The following FANCF variants were observed in gnomAD, a reference collection of about 807,000 sequenced individuals.
The protein encoded by FANCF is Fanconi anemia group F protein.
For missense variants in FANCF, 552 were observed against 481.8 expected, an observed-to-expected ratio of 1.15 and a Z score of -1.36; for synonymous variants, 257 against 205.9, an observed-to-expected ratio of 1.25 and a Z score of -2.13.
At position 22,624,991 on chromosome 11, in the gene FANCF, AG is replaced by A; in HGVS notation, c.819del (p.Tyr274IlefsTer5). On this transcript the variant is annotated frameshift_variant, in exon 1 of 1. Transcript: ENST00000327470. LOFTEE classifies it low-confidence loss of function (END_TRUNC). ...CCCCAGTCTGTTAGCAGACCCAGAT[AG>A]ACAGGAGACAGCGCTGGGTGGCGGC... ...VTSRHPALSP[V>X]YLGLLTDWGQ... 1 of 1,614,244 alleles carries A rather than the reference AG, an allele frequency of 6.2e-7. No homozygotes were observed. The highest frequency in any genetic ancestry group is 2.2e-5 in the East Asian group (1 of 44,886).
rs755870012 is a variant in FANCF, at chr11:22,625,422, T to A, written c.389A>T (p.Gln130Leu). 1.9e-6 allele frequency: 3 copies of A among 1,614,096 alleles called. No individual in the cohort carries two copies. Among genetic ancestry groups the A allele is most frequent in the South Asian group, 2.2e-5 (2 of 91,076 alleles). ...GVRDADEETL[Q>L]ESLARLARRR... ...GCGGGCAAGGCGGGCCAGGCTCTCTTGGAGTGTCTCCTCATCGGCGTCCCG... is the reference window on the plus strand; with the variant it reads ...GCGGGCAAGGCGGGCCAGGCTCTCTAGGAGTGTCTCCTCATCGGCGTCCCG... The change falls in exon 1 of 1, where the codon CAA (glutamine) becomes CTA (leucine). Residue 130 changes from glutamine to leucine, a missense_variant. By Grantham distance (113) the Gln-to-Leu change is moderately radical. Coordinates refer to ENST00000327470, the MANE Select transcript of FANCF (RefSeq NM_022725.4).
rs770063791 is a variant in FANCF, at chr11:22,624,655, A to G, written c.*31T>C. 4 of 1,593,148 alleles carry G rather than the reference A, an allele frequency of 2.5e-6. No homozygotes were observed. In the East Asian group the frequency reaches 6.7e-5, roughly 27 times the overall value. On this transcript the variant is annotated 3_prime_UTR_variant, in exon 1 of 1. Coordinates refer to ENST00000327470, the MANE Select transcript of FANCF (RefSeq NM_022725.4). The stretch of plus-strand genomic sequence containing the variant: ...GTAATTTTCATTTTGTAAACTATAT[A>G]TTCTATATTCAAGTAATAACACAGC...
In FANCF at chr11:22,623,733, G is replaced by A. The variant is rs1468966128; in HGVS notation, c.*953C>T. The A allele has an allele frequency of 1.1e-5, 2 of 181,964 alleles. No individual in the cohort carries two copies. The highest frequency in any genetic ancestry group is 2.3e-5 in the Non-Finnish European group (2 of 85,286). The allele number at this position is 181,964 out of a possible 1,614,324, so 11.3% of individuals were successfully genotyped here. On this transcript the variant is annotated 3_prime_UTR_variant, in exon 1 of 1. Coordinates refer to ENST00000327470, the MANE Select transcript of FANCF (RefSeq NM_022725.4). ...GTTTTGGCCAGGCGCGGTGGCTCAC[G>A]CCTGTAATCCCAGCACTTTGGGAGG...
Position 22,624,877 on chromosome 11 carries a change from G to A in FANCF, c.934C>T (p.Gln312Ter). 1 of 1,614,138 alleles carries A rather than the reference G, an allele frequency of 6.2e-7. No individual in the cohort carries two copies. The highest frequency in any genetic ancestry group is 8.5e-7 in the Non-Finnish European group (1 of 1,180,018). ...GGTGGAGGGGCCTGACAGAGGCTTT[G>A]AAACCTATTGTGCAACTCCTCCCAG... ...VPWEELHNRF[Q>*]SLCQAPPPLK... Residue 312 changes from glutamine (Q) to a stop codon, truncating the protein, a stop_gained, in exon 1 of 1, where the codon CAA (glutamine) becomes TAA (stop). Transcript: ENST00000327470. LOFTEE classifies it low-confidence loss of function (END_TRUNC).
Position 22,624,997 on chromosome 11 carries a change from G to C in FANCF, c.814C>G (p.Pro272Ala), listed in dbSNP as rs763682296. 1.9e-6 allele frequency: 3 copies of C among 1,614,218 alleles called. No individual in the cohort carries two copies. The highest frequency in any genetic ancestry group is 2.7e-5 in the African/African-American group (2 of 75,046). The change falls in exon 1 of 1, where the codon CCT (proline) becomes GCT (alanine). Residue 272 changes from proline to alanine, a missense_variant. By Grantham distance (27) the Pro-to-Ala change is conservative. Transcript: ENST00000327470. ...LVTSRHPALS[P>A]VYLGLLTDWG... ...TCTGTTAGCAGACCCAGATAGACAG[G>C]AGACAGCGCTGGGTGGCGGCTAGTC... is the stretch of plus-strand genomic sequence containing the variant.
Position 22,623,450 on chromosome 11 carries a change from C to T in FANCF, c.*1236G>A, listed in dbSNP as rs1376471682. The stretch of plus-strand genomic sequence containing the variant: ...CTCCCTAGTAAAAATGAATAAATTG[C>T]CCTTGAATTTATTCAAGGCAATCAC... On this transcript the variant is annotated 3_prime_UTR_variant, in exon 1 of 1. Coordinates refer to ENST00000327470, the MANE Select transcript of FANCF (RefSeq NM_022725.4). The T allele has an allele frequency of 9.9e-6, 2 of 202,102 alleles. No homozygotes were observed. Among genetic ancestry groups the T allele is most frequent in the East Asian group, 7.6e-5 (1 of 13,154 alleles). 12.5% of individuals were successfully genotyped at this position (202,102 alleles called of 1,614,324 possible).
rs1858622655 is a variant in FANCF, at chr11:22,625,121, A to T, written c.690T>A (p.Pro230=). 6.2e-7 allele frequency: 1 copy of T among 1,609,188 alleles called. No homozygotes were observed. Among genetic ancestry groups the T allele is most frequent in the Non-Finnish European group, 8.5e-7 (1 of 1,177,002 alleles). The change falls in exon 1 of 1, where the codon CCT becomes CCA. Residue 230 remains proline (P), a synonymous_variant. Transcript: ENST00000327470. The stretch of plus-strand genomic sequence containing the variant: ...GGACTAGCACTTGGCTCCCCTCTCC[A>T]GGTGATTTGTGGATGCCGGGTTCCA... The part of the protein sequence containing the change: ...EELEPGIHKS[P]GEGSQVLVHW...
chr11:22,625,169 C>CA lies in FANCF; in HGVS notation c.641dup (p.Leu214PhefsTer52). On this transcript the variant is annotated frameshift_variant, in exon 1 of 1. Coordinates refer to ENST00000327470, the MANE Select transcript of FANCF (RefSeq NM_022725.4). LOFTEE classifies it low-confidence loss of function (END_TRUNC). Reference sequence around the variant, plus strand: ...CCAACTCTTCTTGGGGCCGACGAGACAAAGGCGGCTGCAACAGCGCCACCG... The same window carrying CA: ...CCAACTCTTCTTGGGGCCGACGAGACAAAAGGCGGCTGCAACAGCGCCACCG... 1 of 1,609,316 alleles carries CA rather than the reference C, an allele frequency of 6.2e-7. No individual in the cohort carries two copies.
chr11:22,625,004 C>T lies in FANCF; in HGVS notation c.807G>A (p.Ala269=), dbSNP rs754312601. The change falls in exon 1 of 1, where the codon GCG becomes GCA. Residue 269 remains alanine, a synonymous_variant. Transcript: ENST00000327470. ...GCAGACCCAGATAGACAGGAGACAG[C>T]GCTGGGTGGCGGCTAGTCACTAAAG... is the stretch of plus-strand genomic sequence containing the variant. ...LLTLVTSRHP[A]LSPVYLGLLT... is the part of the protein sequence containing the mutation. The T allele has an allele frequency of 1.8e-5, 29 of 1,614,074 alleles. No homozygotes were observed. Among genetic ancestry groups the T allele is most frequent in the Non-Finnish European group, 2.4e-5 (28 of 1,180,046 alleles).
At position 22,624,808 on chromosome 11, in the gene FANCF, G is replaced by A; in HGVS notation, c.1003C>T (p.Gln335Ter). ...CCAGGTACTTCAAAATCTCCATCCTGCGCTTTACAGGTCTCCAGGGCAGTT... is the reference window on the plus strand; with the variant it reads ...CCAGGTACTTCAAAATCTCCATCCTACGCTTTACAGGTCTCCAGGGCAGTT... ...VLTALETCKA[Q>*]DGDFEVPGLS... Residue 335 changes from glutamine (Q) to a stop codon, truncating the protein, a stop_gained, in exon 1 of 1, where the codon CAG becomes TAG. Coordinates refer to ENST00000327470, the MANE Select transcript of FANCF (RefSeq NM_022725.4). LOFTEE classifies it low-confidence loss of function (END_TRUNC). 6.2e-7 allele frequency: 1 copy of A among 1,614,190 alleles called. No individual in the cohort carries two copies. The highest frequency in any genetic ancestry group is 8.5e-7 in the Non-Finnish European group (1 of 1,180,042).
Position 22,623,148 on chromosome 11 carries a change from C to A in FANCF, c.*1538G>T, listed in dbSNP as rs1858582253. ...CATGGATTAGAAAAAGGAATCAGAC[C>A]ACAAGGAAAAAGAAATTGCTGGTTT... is the stretch of plus-strand genomic sequence containing the variant. On this transcript the variant is annotated 3_prime_UTR_variant, in exon 1 of 1. Transcript: ENST00000327470. 4.7e-6 allele frequency: 1 copy of A among 210,980 alleles called. No individual in the cohort carries two copies. Among genetic ancestry groups the A allele is most frequent in the African/African-American group, 2.3e-5 (1 of 44,112 alleles). 13.1% of individuals were successfully genotyped at this position (210,980 alleles called of 1,614,324 possible). A position where few individuals can be genotyped will look rare whatever the true frequency, so the allele number is the denominator to read the frequency against.
Position 22,622,558 on chromosome 11 carries a change from G to C in FANCF, c.*2128C>G, listed in dbSNP as rs974326707. 2 of 178,220 alleles carry C rather than the reference G, an allele frequency of 1.1e-5. No individual in the cohort carries two copies. Among genetic ancestry groups the C allele is most frequent in the African/African-American group, 4.7e-5 (2 of 42,258 alleles). 11.0% of individuals were successfully genotyped at this position (178,220 alleles called of 1,614,324 possible). A position where few individuals can be genotyped will look rare whatever the true frequency, so the allele number is the denominator to read the frequency against. ...TCCTCTCACTTTTTTCTCTCTCAGT[G>C]TATGCGTAGATTCCTAATCTTTTCA... is the stretch of plus-strand genomic sequence containing the variant. On this transcript the variant is annotated 3_prime_UTR_variant, in exon 1 of 1. Coordinates refer to ENST00000327470, the MANE Select transcript of FANCF (RefSeq NM_022725.4).
In FANCF at chr11:22,625,173, G is replaced by A. The variant is rs763559833; in HGVS notation, c.638C>T (p.Pro213Leu). 2 of 1,609,556 alleles carry A rather than the reference G, an allele frequency of 1.2e-6. No individual in the cohort carries two copies. The highest frequency in any genetic ancestry group is 4.5e-5 in the East Asian group (2 of 44,842). The part of the protein sequence containing the change: ...KVIAVALLQP[P>L]LSRRPQEELE... ...CTCTTCTTGGGGCCGACGAGACAAA[G>A]GCGGCTGCAACAGCGCCACCGCTAT... Residue 213 changes from proline (P) to leucine (L), a missense_variant, in exon 1 of 1, where the codon CCT becomes CTT. By Grantham distance (98) the Pro-to-Leu change is moderately conservative. Transcript: ENST00000327470.
Position 22,625,298 on chromosome 11 carries a change from C to A in FANCF, c.513G>T (p.Leu171=). 1 of 1,614,242 alleles carries A rather than the reference C, an allele frequency of 6.2e-7. No individual in the cohort carries two copies. The highest frequency in any genetic ancestry group is 8.5e-7 in the Non-Finnish European group (1 of 1,180,056). The change falls in exon 1 of 1, where the codon CTG becomes CTT. Residue 171 remains leucine (L), a synonymous_variant. Transcript: ENST00000327470. The part of the protein sequence containing the change: ...SLMKTQAELL[L]ERLQEVGKAE... ...CCTTCCCCACCTCCTGCAGACGCTC[C>A]AGCAGCAGCTCCGCCTGGGTCTTCA...
chr11:22,624,574 G>C lies in FANCF; in HGVS notation c.*112C>G, dbSNP rs887011892. On this transcript the variant is annotated 3_prime_UTR_variant, in exon 1 of 1. Coordinates refer to ENST00000327470, the MANE Select transcript of FANCF (RefSeq NM_022725.4). ...CTGTTTAATAAACTATTCAAAATTAGCATCTAAAATAATTATACTTTGGAC... is the reference window on the plus strand; with the variant it reads ...CTGTTTAATAAACTATTCAAAATTACCATCTAAAATAATTATACTTTGGAC... The C allele has an allele frequency of 1.1e-6, 1 of 930,208 alleles. No homozygotes were observed. The highest frequency in any genetic ancestry group is 1.7e-6 in the Non-Finnish European group (1 of 591,940). The allele number at this position is 930,208 out of a possible 1,614,324, so 57.6% of individuals were successfully genotyped here.
At position 22,624,443 on chromosome 11, in the gene FANCF, A is replaced by C. The variant is rs1858607775; in HGVS notation, c.*243T>G. On this transcript the variant is annotated 3_prime_UTR_variant, in exon 1 of 1. Transcript: ENST00000327470. ...TCTTACAAATGGGCCTTCTATTAAAAAGCAAACTATTGCTAATTCCATGGC... is the reference window on the plus strand; with the variant it reads ...TCTTACAAATGGGCCTTCTATTAAACAGCAAACTATTGCTAATTCCATGGC... The C allele has an allele frequency of 1.3e-5, 7 of 541,576 alleles. No homozygotes were observed. The highest frequency in any genetic ancestry group is 3.1e-5 in the Admixed American group (1 of 32,042). 33.5% of individuals were successfully genotyped at this position (541,576 alleles called of 1,614,324 possible). A position where few individuals can be genotyped will look rare whatever the true frequency, so the allele number is the denominator to read the frequency against.
chr11:22,625,658 A>C lies in FANCF; in HGVS notation c.153T>G (p.His51Gln). 1 of 1,613,968 alleles carries C rather than the reference A, an allele frequency of 6.2e-7. No homozygotes were observed. Among genetic ancestry groups the C allele is most frequent in the Non-Finnish European group, 8.5e-7 (1 of 1,179,974 alleles). Reference protein sequence around the residue: ...LRHIHRRFGRHGPIRTALERR... With the variant: ...LRHIHRRFGRQGPIRTALERR... ...GCTCCAGAGCCGTGCGAATGGGGCC[A>C]TGCCGACCAAAGCGCCGATGGATGT... The change falls in exon 1 of 1, where the codon CAT (histidine) becomes CAG (glutamine). Residue 51 changes from histidine to glutamine, a missense_variant. Physicochemically the swap from His to Gln is conservative, Grantham distance 24. Transcript: ENST00000327470.
At position 22,624,532 on chromosome 11, in the gene FANCF, A is replaced by T. The variant is rs1055639886; in HGVS notation, c.*154T>A. On this transcript the variant is annotated 3_prime_UTR_variant, in exon 1 of 1. Coordinates refer to ENST00000327470, the MANE Select transcript of FANCF (RefSeq NM_022725.4). ...AAATCCGTGACACTACATGCCAGCT[A>T]CTTTGCATATTTATAACTGTTTAAT... 7.1e-6 allele frequency: 5 copies of T among 706,034 alleles called. No homozygotes were observed. The Admixed American group carries it at 9.8e-5, about 14-fold the overall frequency. 43.7% of individuals were successfully genotyped at this position (706,034 alleles called of 1,614,324 possible).
chr11:22,625,072 CTTCCGAA>C lies in FANCF; in HGVS notation c.732_738del (p.Asn244LysfsTer15). On this transcript the variant is annotated frameshift_variant, in exon 1 of 1. Transcript: ENST00000327470. LOFTEE classifies it low-confidence loss of function (END_TRUNC). The stretch of plus-strand genomic sequence containing the variant: ...AGGGCGCGACAAAAGGCAGCAAAGA[CTTCCGAA>C]TTCCCCAGAAGCCAGTGGACTAGCA... 1 of 1,614,068 alleles carries C rather than the reference CTTCCGAA, an allele frequency of 6.2e-7. No individual in the cohort carries two copies. The highest frequency in any genetic ancestry group is 8.5e-7 in the Non-Finnish European group (1 of 1,179,950).
Sources: gnomAD v4.1 joint callset for allele counts on GRCh38, gnomAD v4.1.1 for gene constraint, MANE v1.5 for transcripts, NCBI Gene and HGNC (gene_info 2026-07-23, HGNC 2026-07-21) for gene names.